Variants in KAZN observed in about 807,000 individuals in gnomAD.
KAZN encodes the protein kazrin, periplakin interacting protein, also known as kazrin.
A neutral mutation model predicts 87.4 loss-of-function variants in KAZN; 40 were observed. That is an observed-to-expected ratio of 0.46 (90% confidence interval 0.36 to 0.60). KAZN has a LOEUF of 0.60. Ranked by LOEUF, KAZN falls within the 20% of genes least tolerant of loss-of-function variation. The pLI, the probability that KAZN is intolerant of heterozygous loss-of-function variation, is 0.00. For synonymous variants in KAZN, 466 were observed against 458.3 expected (o/e 1.02, Z -0.22); for missense variants, 898 against 1,073.9 (o/e 0.84, Z 2.29).
intron 2 of KAZN, among the ~76,000 whole-genome samples, chr1:15,020,008 G>A (rs1670509339): frequency 3.3e-5 from 5 of 152,096 alleles, no homozygotes; most frequent in Non-Finnish European, 7.4e-5. Flanking sequence ...AGCTGGACTT[G>A]AACCCAGGAC....
Position 14,801,675 on chromosome 1 carries a change from G to GT in KAZN, c.227-159001dup, listed in dbSNP as rs755981521. 4.9e-4 allele frequency among the ~76,000 whole-genome samples: 72 copies of GT among 146,798 alleles called. 1 individual carries two copies. The South Asian group carries it at 7.8e-3, about 16-fold the overall frequency. On this transcript the variant is annotated intron_variant, in intron 1 of 14. Transcript: ENST00000376030. ...CAAGGTCTCTCCTAAAGTTTTTTTT[G>GT]TTTTTTTTGTTTTTTTGTTTTTTTT...
At chr1:14,710,031 C>T (rs570919508) in intron 1 of KAZN, among the ~76,000 whole-genome samples, 19 of 152,272 alleles carry the variant, frequency 1.2e-4, no homozygotes, top group Admixed American at 3.3e-4. Context: ...ACATAATTCC[C>T]GTCCACTGAT....
At chr1:14,108,470 GTTTTTAAGAGGC>G (rs992069042) in intron 1 of KAZN, among the ~76,000 whole-genome samples, 3 of 152,132 alleles carry the variant, frequency 2.0e-5, no homozygotes, top group African/African-American at 7.2e-5. Context: ...TACCTGAACT[GTTTTTAAGAGGC>G]TGTGCTGCTG....
In KAZN at chr1:15,094,736, T is replaced by C; in HGVS notation, c.1429-79T>C. On this transcript the variant is annotated intron_variant, in intron 9 of 14. Transcript: ENST00000376030. The surrounding 1 kb of genome is among the most constrained non-coding windows in gnomAD (Gnocchi z 4.5). ...GGCAGGAGATGGGGAAGGAGCCCCATGTCAACAGACCCCCTCTAGGGCAGG... is the reference window on the plus strand; with the variant it reads ...GGCAGGAGATGGGGAAGGAGCCCCACGTCAACAGACCCCCTCTAGGGCAGG... 9.7e-7 allele frequency: 1 copy of C among 1,035,438 alleles called. No individual in the cohort carries two copies. The highest frequency in any genetic ancestry group is 1.4e-6 in the Non-Finnish European group (1 of 699,158). 64.1% of individuals were successfully genotyped at this position (1,035,438 alleles called of 1,614,324 possible). A position where few individuals can be genotyped will look rare whatever the true frequency, so the allele number is the denominator to read the frequency against.
chr1:14,178,452 T>C (rs1021906172), intron 1 of KAZN, among the ~76,000 whole-genome samples: 1 of 152,224 alleles, frequency 6.6e-6, no homozygotes, highest in Non-Finnish European at 1.5e-5. Context: ...TCTTCTCCAT[T>C]GTCTAATCTG....
At chr1:14,908,752 C>T (rs1656894232) in intron 1 of KAZN, among the ~76,000 whole-genome samples, 4 of 150,140 alleles carry the variant, frequency 2.7e-5, no homozygotes, top group African/African-American at 2.5e-5. Flanking sequence ...TGGTGGCTCA[C>T]GCCTGTAATC....
chr1:14,241,273 C>T (rs949361016), intron 2 of KAZN, among the ~76,000 whole-genome samples: 1 of 152,226 alleles, frequency 6.6e-6, no homozygotes, highest in Non-Finnish European at 1.5e-5. Flanking sequence ...ACCCAGGACT[C>T]TGGATCTTCC....
intron 2 of KAZN, among the ~76,000 whole-genome samples, chr1:14,466,045 T>C (rs1015739251): frequency 1.3e-5 from 2 of 152,200 alleles, no homozygotes; most frequent in African/African-American, 2.4e-5. Flanking sequence ...CACAAGCGGC[T>C]ATACCATACA....
chr1:14,703,548 T>C (rs1322444731), intron 1 of KAZN, among the ~76,000 whole-genome samples: 1 of 152,146 alleles, frequency 6.6e-6, no homozygotes, highest in East Asian at 1.9e-4. Context: ...GAACTGTGAG[T>C]CAATTAAATC....
chr1:13,908,936 G>C (rs1040089650), intron 1 of KAZN, among the ~76,000 whole-genome samples: 1 of 152,158 alleles, frequency 6.6e-6, no homozygotes, highest in Non-Finnish European at 1.5e-5. Flanking sequence ...GAGTAAGTAC[G>C]AGGCTACTCC....
intron 1 of KAZN, among the ~76,000 whole-genome samples, chr1:14,089,704 C>G (rs1028452515): frequency 6.6e-6 from 1 of 152,098 alleles, no homozygotes; most frequent in African/African-American, 2.4e-5. Context: ...AGAAAACTGC[C>G]TTTCATATTT....
At chr1:14,833,674 T>C (rs1351559811) in intron 1 of KAZN, among the ~76,000 whole-genome samples, 1 of 151,992 alleles carries the variant, frequency 6.6e-6, no homozygotes, top group Admixed American at 6.6e-5. Flanking sequence ...TTTCATGAAG[T>C]CTTGTTGATG....
At chr1:14,453,244 C>T (rs1259048239) in intron 2 of KAZN, among the ~76,000 whole-genome samples, 2 of 152,078 alleles carry the variant, frequency 1.3e-5, no homozygotes, top group Admixed American at 6.5e-5. Flanking sequence ...CGTGAGCCAC[C>T]GTGCCTGGCC....
At chr1:14,249,076 A>G (rs1403092298) in intron 2 of KAZN, among the ~76,000 whole-genome samples, 1 of 152,206 alleles carries the variant, frequency 6.6e-6, no homozygotes, top group Non-Finnish European at 1.5e-5. Context: ...CAAATGATTT[A>G]CATCCTGCCT....
intron 2 of KAZN, among the ~76,000 whole-genome samples, chr1:14,975,610 T>C (rs1239536102): frequency 2.0e-5 from 3 of 152,226 alleles, no homozygotes; most frequent in African/African-American, 7.2e-5. Context: ...AATATTGGTA[T>C]AGTCCAGGCA....
At chr1:13,940,267 G>A (rs1450430194) in intron 1 of KAZN, among the ~76,000 whole-genome samples, 1 of 117,976 alleles carries the variant, frequency 8.5e-6, no homozygotes, top group Non-Finnish European at 1.7e-5. Flanking sequence ...GCTCCTGGGA[G>A]TTTTTCTGTT....
intron 1 of KAZN, among the ~76,000 whole-genome samples, chr1:14,694,919 C>A (rs1176086759): frequency 1.3e-5 from 2 of 152,176 alleles, no homozygotes; most frequent in Non-Finnish European, 2.9e-5. Context: ...GAACATATTA[C>A]AGGGGAAATT....
intron 1 of KAZN, among the ~76,000 whole-genome samples, chr1:13,966,619 G>A (rs530753555): frequency 4.5e-4 from 69 of 152,256 alleles, no homozygotes; most frequent in Non-Finnish European, 5.7e-4. Flanking sequence ...TAGTCTCTTG[G>A]TGTCTACCAC....
intron 1 of KAZN, among the ~76,000 whole-genome samples, chr1:14,806,630 C>T (rs1646232363): frequency 1.3e-5 from 2 of 152,144 alleles, no homozygotes; most frequent in South Asian, 4.1e-4. Context: ...CTTGACTGTG[C>T]TATTATTAAG....
Sources: gnomAD v4.1 joint callset for allele counts (sites outside exome capture counted in the v4.1 genomes callset) on GRCh38, gnomAD v4.1.1 for gene constraint, Gnocchi (gnomAD v3.1) non-coding constraint, MANE v1.5 for transcripts, NCBI Gene and HGNC (gene_info 2026-07-23, HGNC 2026-07-21) for gene names.